Variants in CYFIP1 observed in about 807,000 individuals in gnomAD.
CYFIP1 encodes the protein cytoplasmic FMR1-interacting protein 1.
In CYFIP1, 58 loss-of-function variants were observed where a neutral mutation model predicts 163.5. That is an observed-to-expected ratio of 0.35 (90% CI 0.29 to 0.44). The LOEUF (loss-of-function observed/expected upper bound fraction) is 0.44, where lower values mean the gene tolerates loss of function less well. Among genes scored for constraint, CYFIP1 ranks in the 20% least tolerant of loss-of-function variants. The pLI is 1.00. For synonymous variants in CYFIP1, 663 were observed against 660.7 expected (o/e 1.00, Z -0.05); for missense variants, 1,338 against 1,653.8 (o/e 0.81, Z 3.31).
At chr15:22,923,633 C>A (rs564947102) in intron 13 of CYFIP1, among the ~76,000 whole-genome samples, 15 of 152,178 alleles carry the variant, frequency 9.9e-5, no homozygotes, top group Admixed American at 8.5e-4. Flanking sequence ...CCAGCATCTA[C>A]ACAAAAACCC....
rs2059381490 is a variant in CYFIP1, at chr15:22,870,054, TGGGCGGCTGGAAGCAGC to T, written c.3719_3735del (p.Arg1240HisfsTer44). On this transcript the variant is annotated frameshift_variant, in exon 31 of 31. Coordinates refer to ENST00000617928, the MANE Select transcript of CYFIP1 (RefSeq NM_014608.6). LOFTEE classifies it high-confidence loss of function. Reference sequence around the variant, plus strand: ...CAGCTGCTGGCGAGGGACTGGTGGATGGGCGGCTGGAAGCAGCGCACATGCTCCACTGGCGTGCCCTC... The same window carrying T: ...CAGCTGCTGGCGAGGGACTGGTGGATGCACATGCTCCACTGGCGTGCCCTC... 6.2e-7 allele frequency: 1 copy of T among 1,607,968 alleles called. No individual in the cohort carries two copies. The highest frequency in any genetic ancestry group is 8.5e-7 in the Non-Finnish European group (1 of 1,178,156).
At chr15:22,928,142 G>A in intron 11 of CYFIP1, 114 bp from the exon 12 acceptor site, 1 of 1,276,724 alleles carries the variant, frequency 7.8e-7, no homozygotes, top group Non-Finnish European at 1.0e-6. Flanking sequence ...AATAAGAAAT[G>A]CAGGAGGCCA....
At chr15:22,979,102 C>A (rs2063378116) in intron 1 of CYFIP1, among the ~76,000 whole-genome samples, 1 of 152,218 alleles carries the variant, frequency 6.6e-6, no homozygotes, top group Non-Finnish European at 1.5e-5. Context: ...GACTCCAGGG[C>A]GCCTCGGTCG....
chr15:22,975,965 A>G (rs2063260571), intron 1 of CYFIP1, among the ~76,000 whole-genome samples: 1 of 152,108 alleles, frequency 6.6e-6, no homozygotes, highest in Non-Finnish European at 1.5e-5. Context: ...AAATTTATAG[A>G]TCAATATGAA....
chr15:22,957,497 A>G (rs143265474), intron 1 of CYFIP1, among the ~76,000 whole-genome samples: 35,464 of 151,844 alleles, frequency 0.23, 4,645 homozygotes, highest in Middle Eastern at 0.35. Flanking sequence ...TTAGCCAGGC[A>G]TGGTGGCGGG....
chr15:22,971,301 G>A (rs2063086470), intron 1 of CYFIP1, among the ~76,000 whole-genome samples: 1 of 152,156 alleles, frequency 6.6e-6, no homozygotes, highest in African/African-American at 2.4e-5. Flanking sequence ...CACTTTGTGA[G>A]GATGAGGTGG....
chr15:22,937,317 T>C, intron 8 of CYFIP1, 109 bp from the exon 9 acceptor site: 3 of 684,258 alleles, frequency 4.4e-6, no homozygotes, highest in East Asian at 2.6e-5. Context: ...CAATTTGAAA[T>C]AGATCACAAA....
At chr15:22,875,537 TA>T (rs1462503517) in intron 26 of CYFIP1, 3 of 420,406 alleles carry the variant, frequency 7.1e-6, no homozygotes, top group Non-Finnish European at 1.3e-5. Context: ...TACATTTAAT[TA>T]ATGTAAATAT....
chr15:22,937,952 C>T (rs1033076473), intron 8 of CYFIP1, among the ~76,000 whole-genome samples: 14 of 152,264 alleles, frequency 9.2e-5, no homozygotes, highest in Non-Finnish European at 1.9e-4. Flanking sequence ...TGCTCCAGTG[C>T]TCCGCAGGGG....
At chr15:22,883,545 C>T (rs367710639) in intron 23 of CYFIP1, among the ~76,000 whole-genome samples, 87 of 152,144 alleles carry the variant, frequency 5.7e-4, no homozygotes, top group East Asian at 1.9e-4. Flanking sequence ...AGGCCAGGCG[C>T]GGCGACTCAC....
In CYFIP1 at chr15:22,917,537, T is replaced by G. The variant is rs553945336; in HGVS notation, c.1674+251A>C. The G allele has an allele frequency of 3.3e-5, 18 of 552,938 alleles. No individual in the cohort carries two copies. In the East Asian group the frequency reaches 6.0e-4, roughly 18 times the overall value. The allele number at this position is 552,938 out of a possible 1,614,324, so 34.3% of individuals were successfully genotyped here. A position where few individuals can be genotyped will look rare whatever the true frequency, so the allele number is the denominator to read the frequency against. On this transcript the variant is annotated intron_variant, in intron 15 of 30. Coordinates refer to ENST00000617928, the MANE Select transcript of CYFIP1 (RefSeq NM_014608.6). The surrounding 1 kb of genome is among the most constrained non-coding windows in gnomAD (Gnocchi z 4.2). ...TGGACTTGTGCCCACATTTTTGGGATGGGAGTTGAAATGGAGTCAGACTCC... is the reference window on the plus strand; with the variant it reads ...TGGACTTGTGCCCACATTTTTGGGAGGGGAGTTGAAATGGAGTCAGACTCC...
At chr15:22,877,235 G>T (rs931309313) in intron 26 of CYFIP1, among the ~76,000 whole-genome samples, 5 of 152,206 alleles carry the variant, frequency 3.3e-5, no homozygotes, top group African/African-American at 1.2e-4. Flanking sequence ...TGTAAGCAAG[G>T]CTGCCTCTCA....
At chr15:22,913,303 CG>C (rs1345153881) in intron 17 of CYFIP1, among the ~76,000 whole-genome samples, 14 of 150,558 alleles carry the variant, frequency 9.3e-5, no homozygotes, top group Admixed American at 3.3e-4. Context: ...CCGAGGTGGG[CG>C]GATCACTTGA....
At chr15:22,963,273 A>G (rs548581172) in intron 1 of CYFIP1, among the ~76,000 whole-genome samples, 1 of 148,432 alleles carries the variant, frequency 6.7e-6, no homozygotes, top group South Asian at 2.1e-4. Context: ...TGGGAGGCAG[A>G]GGCGGGCGAT....
At chr15:22,877,453 C>T (rs1048977941) in intron 26 of CYFIP1, among the ~76,000 whole-genome samples, 6 of 152,146 alleles carry the variant, frequency 3.9e-5, no homozygotes, top group African/African-American at 9.7e-5. Context: ...TGAGATAGGG[C>T]GCGCCTTATG....
chr15:22,899,584 C>T (rs2060334426), intron 22 of CYFIP1, among the ~76,000 whole-genome samples: 1 of 152,106 alleles, frequency 6.6e-6, no homozygotes, highest in Non-Finnish European at 1.5e-5. Flanking sequence ...TGTGAGACAT[C>T]CCTCTCACCT....
At chr15:22,949,748 A>G (rs2062186926) in intron 1 of CYFIP1, among the ~76,000 whole-genome samples, 1 of 152,146 alleles carries the variant, frequency 6.6e-6, no homozygotes, top group East Asian at 1.9e-4. Flanking sequence ...TAAGATTTCT[A>G]TGTCCCACTA....
rs959966861 is a variant in CYFIP1, at chr15:22,867,300, C to CTGTT, written c.*2724_*2727dup. 8.0e-5 allele frequency: 32 copies of CTGTT among 398,316 alleles called. No homozygotes were observed. Among genetic ancestry groups the CTGTT allele is most frequent in the South Asian group, 2.6e-4 (2 of 7,830 alleles). The allele number at this position is 398,316 out of a possible 1,614,324, so 24.7% of individuals were successfully genotyped here. The stretch of plus-strand genomic sequence containing the variant: ...TTTACCTTACCTACAAAAGTGGCTC[C>CTGTT]TGTTTGTTTGATGATGATTGGTTTT... On this transcript the variant is annotated 3_prime_UTR_variant, in exon 31 of 31. Transcript: ENST00000617928.
chr15:22,956,499 T>C (rs529933768), intron 1 of CYFIP1, among the ~76,000 whole-genome samples: 1 of 152,134 alleles, frequency 6.6e-6, no homozygotes, highest in Non-Finnish European at 1.5e-5. Flanking sequence ...TGAGTGTGTA[T>C]GTGTGTGAGT....
Sources: allele counts gnomAD v4.1 joint callset (sites outside exome capture counted in the v4.1 genomes callset), GRCh38; gene constraint gnomAD v4.1.1; non-coding constraint Gnocchi (gnomAD v3.1); transcripts MANE v1.5; gene names NCBI Gene and HGNC (gene_info 2026-07-23, HGNC 2026-07-21).